The following DNAAF9 variants were observed in gnomAD, a reference collection of about 807,000 sequenced individuals.
DNAAF9 encodes the protein shulin.
In DNAAF9, 90 loss-of-function variants were observed where a neutral mutation model predicts 167.0. That is an observed-to-expected ratio of 0.54 (90% CI 0.45 to 0.64). The LOEUF is 0.64. Ranked by LOEUF, DNAAF9 falls within the 30% of genes least tolerant of loss-of-function variation. The pLI, the probability that DNAAF9 is intolerant of heterozygous loss-of-function variation, is 0.00. For synonymous variants in DNAAF9, 491 were observed against 508.8 expected, an observed-to-expected ratio of 0.96 and a Z score of 0.47; for missense variants, 1,315 against 1,442.2, an observed-to-expected ratio of 0.91 and a Z score of 1.43.
At chr20:3,255,367 A>G in intron 34 of DNAAF9, 83 bp from the exon 35 acceptor site, 1 of 826,826 alleles carries the variant, frequency 1.2e-6, no homozygotes, top group South Asian at 1.4e-5. Context: ...GCTCTATTAC[A>G]CAACTAAGAT....
rs145512461 is a variant in DNAAF9 at position 3,255,986 on chromosome 20, G to C, written c.3261+20C>G. On this transcript the variant is annotated intron_variant, in intron 34 of 36. Transcript: ENST00000252032. ...GTCTGGTCACATCTGTGTCAGGTCT[G>C]TCTGGGCTCTGGAAACCACCTGCTT... is the stretch of plus-strand genomic sequence containing the variant. 746 of 1,597,740 alleles carry C rather than the reference G, an allele frequency of 4.7e-4. 3 individuals are homozygous for C. The African/African-American group carries it at 8.1e-3, about 17-fold the overall frequency.
intron 30 of DNAAF9, 125 bp downstream of exon 30, chr20:3,270,302 C>T: frequency 1.1e-6 from 1 of 885,080 alleles, no homozygotes; most frequent in Non-Finnish European, 1.8e-6. Context: ...GCCACCGCAC[C>T]TGGCTCAAAA....
rs188164348 is a variant in DNAAF9 at position 3,362,089 on chromosome 20, G to T, written c.613-2496C>A. On this transcript the variant is annotated intron_variant, in intron 6 of 36. Coordinates refer to ENST00000252032, the MANE Select transcript of DNAAF9 (RefSeq NM_001009984.3). ...TTTTGTTACAAATATTACAAAGGGG[G>T]GTGCTTCTGAGTATTTAGGTCCATA... The T allele has an allele frequency of 2.9e-5, 40 of 1,402,192 alleles. No individual in the cohort carries two copies. In the East Asian group the frequency reaches 7.3e-4, roughly 26 times the overall value. The allele number at this position is 1,402,192 out of a possible 1,614,324, so 86.9% of individuals were successfully genotyped here.
Position 3,318,271 on chromosome 20 carries a change from AAGATC to A in DNAAF9, c.1468+13_1468+17del, listed in dbSNP as rs2069546436. Reference sequence around the variant, plus strand: ...AAAAAGGCTTAAGGTTTGCTTTCTAAAGATCACATATACTTACCCTTTTCTTTAAC... The same window carrying A: ...AAAAAGGCTTAAGGTTTGCTTTCTAAACATATACTTACCCTTTTCTTTAAC... On this transcript the variant is annotated intron_variant, in intron 17 of 36. Transcript: ENST00000252032. 4.3e-6 allele frequency: 5 copies of A among 1,151,664 alleles called. No homozygotes were observed. The highest frequency in any genetic ancestry group is 6.4e-6 in the Non-Finnish European group (5 of 777,188). 71.3% of individuals were successfully genotyped at this position (1,151,664 alleles called of 1,614,324 possible).
chr20:3,258,641 T>C (rs1050843308), intron 33 of DNAAF9, among the ~76,000 whole-genome samples: 3 of 151,900 alleles, frequency 2.0e-5, no homozygotes, highest in African/African-American at 7.3e-5. Context: ...TTGGCAACCA[T>C]AAGGGGCAGG....
Position 3,315,136 on chromosome 20 carries a change from C to A in DNAAF9, c.1591-16G>T, listed in dbSNP as rs1170867515. 1 of 1,487,554 alleles carries A rather than the reference C, an allele frequency of 6.7e-7. No individual in the cohort carries two copies. The highest frequency in any genetic ancestry group is 1.7e-5 in the Admixed American group (1 of 59,040). 92.1% of individuals were successfully genotyped at this position (1,487,554 alleles called of 1,614,324 possible). ...ACTCATCCCCCTTTAAAAACAACAACAAAAACAAAAATCCAAAAAAGAATA... is the reference window on the plus strand; with the variant it reads ...ACTCATCCCCCTTTAAAAACAACAAAAAAAACAAAAATCCAAAAAAGAATA... On this transcript the variant is annotated splice_polypyrimidine_tract_variant and intron_variant, in intron 19 of 36. Transcript: ENST00000252032. The surrounding 1 kb of genome is among the most constrained non-coding windows in gnomAD (Gnocchi z 4.1).
At chr20:3,308,704 C>T (rs2069348413) in intron 20 of DNAAF9, among the ~76,000 whole-genome samples, 2 of 151,670 alleles carry the variant, frequency 1.3e-5, no homozygotes, top group South Asian at 4.2e-4. Context: ...CAGCCAGGTA[C>T]AGTGGCTCAC....
At chr20:3,375,213 T>C in intron 4 of DNAAF9, 87 bp from the exon 5 acceptor site, 1 of 858,156 alleles carries the variant, frequency 1.2e-6, no homozygotes, top group South Asian at 1.4e-5. Flanking sequence ...CAACCAGAGT[T>C]GTCCCAAATG....
At chr20:3,351,682 G>A (rs765033773) in intron 7 of DNAAF9, among the ~76,000 whole-genome samples, 3 of 152,074 alleles carry the variant, frequency 2.0e-5, no homozygotes, top group Non-Finnish European at 4.4e-5. Context: ...TGATAAAATT[G>A]CAAAGAAAAG....
chr20:3,252,564 G>C lies in DNAAF9; in HGVS notation c.*8C>G. 6.8e-7 allele frequency: 1 copy of C among 1,471,356 alleles called. No individual in the cohort carries two copies. The highest frequency in any genetic ancestry group is 1.7e-5 in the Admixed American group (1 of 59,874). The allele number at this position is 1,471,356 out of a possible 1,614,324, so 91.1% of individuals were successfully genotyped here. A position where few individuals can be genotyped will look rare whatever the true frequency, so the allele number is the denominator to read the frequency against. Reference sequence around the variant, plus strand: ...ACATTCTGCAGGACGTACGGGCCCAGCCTTCCTCTAGGGCTTCAGCTCAAA... The same window carrying C: ...ACATTCTGCAGGACGTACGGGCCCACCCTTCCTCTAGGGCTTCAGCTCAAA... On this transcript the variant is annotated 3_prime_UTR_variant, in exon 37 of 37. Transcript: ENST00000252032.
Position 3,294,219 on chromosome 20 carries a change from C to A in DNAAF9, c.2158G>T (p.Glu720Ter). The change falls in exon 25 of 37, where the codon GAG (glutamate) becomes TAG (stop). Residue 720 changes from glutamate (E) to a stop codon, truncating the protein, a stop_gained. Coordinates refer to ENST00000252032, the MANE Select transcript of DNAAF9 (RefSeq NM_001009984.3). LOFTEE classifies it high-confidence loss of function. ...QHFAISSISQ[E>*]PVMRTHLPVL... ...GGAAGATGGGTCCGCATCACAGGCT[C>A]CTGGCTAATGCTGCTGATGGCGAAA... 1 of 1,613,156 alleles carries A rather than the reference C, an allele frequency of 6.2e-7. No homozygotes were observed. Among genetic ancestry groups the A allele is most frequent in the Non-Finnish European group, 8.5e-7 (1 of 1,179,194 alleles).
At chr20:3,257,086 G>T (rs2068294847) in intron 33 of DNAAF9, among the ~76,000 whole-genome samples, 1 of 152,170 alleles carries the variant, frequency 6.6e-6, no homozygotes, top group South Asian at 2.1e-4. Context: ...AGTGTTACAT[G>T]CTAAGGAGAT....
chr20:3,344,095 C>T (rs2123121022), intron 8 of DNAAF9, among the ~76,000 whole-genome samples: 1 of 152,246 alleles, frequency 6.6e-6, no homozygotes, highest in Non-Finnish European at 1.5e-5. Flanking sequence ...GGACCAATCA[C>T]CATCTATGGT....
intron 1 of DNAAF9, among the ~76,000 whole-genome samples, chr20:3,397,793 T>C (rs943974041): frequency 6.6e-6 from 1 of 152,208 alleles, no homozygotes; most frequent in Non-Finnish European, 1.5e-5. Flanking sequence ...CTTGCATTTA[T>C]TGGACAAAGC....
rs190089654 is a variant in DNAAF9, at chr20:3,358,747, G to T, written c.690+769C>A. On this transcript the variant is annotated intron_variant, in intron 7 of 36. Coordinates refer to ENST00000252032, the MANE Select transcript of DNAAF9 (RefSeq NM_001009984.3). Reference sequence around the variant, plus strand: ...CACAGAAGCAAGAAACATACCTAATGCCCAGATCTTGGTTGTTAAATATTG... The same window carrying T: ...CACAGAAGCAAGAAACATACCTAATTCCCAGATCTTGGTTGTTAAATATTG... Among the ~76,000 whole-genome samples, 29 of 152,306 alleles carry T rather than the reference G, an allele frequency of 1.9e-4. No individual in the cohort carries two copies. The East Asian group carries it at 4.6e-3, about 24-fold the overall frequency.
intron 21 of DNAAF9, among the ~76,000 whole-genome samples, chr20:3,299,807 T>C (rs1004884001): frequency 2.0e-5 from 3 of 152,178 alleles, no homozygotes; most frequent in Non-Finnish European, 4.4e-5. Context: ...AATAAGAAAA[T>C]GCATGTGTTA....
Position 3,268,897 on chromosome 20 carries a change from C to CTTTTTTTTTTTTTTTTTTTTTTTTT in DNAAF9, c.2786+1529_2786+1530insAAAAAAAAAAAAAAAAAAAAAAAAA, listed in dbSNP as rs386393120. 3.3e-4 allele frequency among the ~76,000 whole-genome samples: 28 copies of CTTTTTTTTTTTTTTTTTTTTTTTTT among 85,844 alleles called. 3 individuals carry two copies. The highest frequency in any genetic ancestry group is 4.5e-4 in the Non-Finnish European group (21 of 46,588). The allele number at this position is 85,844 out of a possible 152,430, so 56.3% of individuals were successfully genotyped here. On this transcript the variant is annotated intron_variant, in intron 30 of 36. Transcript: ENST00000252032. Reference sequence around the variant, plus strand: ...GTAAAGAGATAATATCTCTATGTTACTTTTTTTTTTTTTTTTTTTTTTTTG... The same window carrying CTTTTTTTTTTTTTTTTTTTTTTTTT: ...GTAAAGAGATAATATCTCTATGTTACTTTTTTTTTTTTTTTTTTTTTTTTTTTTTTTTTTTTTTTTTTTTTTTTTG...
chr20:3,349,152 C>A (rs1314369963), intron 7 of DNAAF9, among the ~76,000 whole-genome samples: 4 of 137,598 alleles, frequency 2.9e-5, no homozygotes, highest in Non-Finnish European at 6.0e-5. Context: ...CCCAGGACTT[C>A]CAGACCAGCT....
At chr20:3,322,961 T>C (rs1351514413) in intron 14 of DNAAF9, among the ~76,000 whole-genome samples, 1 of 151,766 alleles carries the variant, frequency 6.6e-6, no homozygotes, top group Non-Finnish European at 1.5e-5. Flanking sequence ...CAGGAGAAAA[T>C]GACATGAGAG....
Sources: gnomAD v4.1 joint callset for allele counts (sites outside exome capture counted in the v4.1 genomes callset) on GRCh38, gnomAD v4.1.1 for gene constraint, Gnocchi (gnomAD v3.1) non-coding constraint, MANE v1.5 for transcripts, NCBI Gene and HGNC (gene_info 2026-07-23, HGNC 2026-07-21) for gene names.